Variants in NTNG1 observed in about 807,000 individuals in gnomAD.
NTNG1 encodes the protein netrin-G1.
Under a neutral mutation model 54.0 loss-of-function variants are expected in NTNG1, and 16 were observed. The observed-to-expected ratio is 0.30, with a 90% CI of 0.20 to 0.45. The LOEUF is 0.45. Ranked by LOEUF, NTNG1 falls within the 20% of genes least tolerant of loss-of-function variation. The pLI is 1.00. For synonymous variants in NTNG1, 255 were observed against 263.1 expected, an observed-to-expected ratio of 0.97 and a Z score of 0.30; for missense variants, 530 against 678.7, an observed-to-expected ratio of 0.78 and a Z score of 2.43.
intron 3 of NTNG1, among the ~76,000 whole-genome samples, chr1:107,390,330 A>G (rs1459687804): frequency 1.3e-5 from 2 of 152,190 alleles, no homozygotes; most frequent in East Asian, 3.9e-4. Context: ...TGCATGAGAC[A>G]TTAAAGCTAA....
At chr1:107,274,631 A>G (rs1455711099) in intron 2 of NTNG1, among the ~76,000 whole-genome samples, 1 of 152,212 alleles carries the variant, frequency 6.6e-6, no homozygotes, top group African/African-American at 2.4e-5. Flanking sequence ...ATGTGTAACC[A>G]TGTAGGCTTT....
intron 2 of NTNG1, among the ~76,000 whole-genome samples, chr1:107,190,870 A>T (rs1342092923): frequency 6.6e-6 from 1 of 152,188 alleles, no homozygotes; most frequent in Non-Finnish European, 1.5e-5. Flanking sequence ...TATTGTGAAT[A>T]GTGCCGCTAT....
chr1:107,325,883 A>C (rs187287609), intron 3 of NTNG1, among the ~76,000 whole-genome samples: 1 of 152,270 alleles, frequency 6.6e-6, no homozygotes, highest in East Asian at 1.9e-4. Context: ...GAGGATAAGC[A>C]TATAAATAGT....
chr1:107,374,752 A>G (rs1385458799), intron 3 of NTNG1, among the ~76,000 whole-genome samples: 1 of 152,156 alleles, frequency 6.6e-6, no homozygotes, highest in East Asian at 1.9e-4. Flanking sequence ...CATGACTGGC[A>G]ATCTTTGATT....
chr1:107,286,250 G>A (rs746729983), intron 2 of NTNG1, among the ~76,000 whole-genome samples: 30 of 152,236 alleles, frequency 2.0e-4, no homozygotes, highest in Non-Finnish European at 2.6e-4. Flanking sequence ...CTAATTCAGC[G>A]TGGCATTTTT....
intron 1 of NTNG1, among the ~76,000 whole-genome samples, chr1:107,142,662 A>G (rs1653815902): frequency 6.7e-6 from 1 of 148,410 alleles, no homozygotes; most frequent in Admixed American, 6.7e-5. Context: ...AAGTTGTTTT[A>G]TCTTACAGAA....
At chr1:107,266,781 A>G (rs1663772492) in intron 2 of NTNG1, among the ~76,000 whole-genome samples, 1 of 151,848 alleles carries the variant, frequency 6.6e-6, no homozygotes, top group African/African-American at 2.4e-5. Flanking sequence ...ACCTGTAAAG[A>G]GCTGTTCAGT....
At chr1:107,456,234 A>T (rs1676948352) in intron 7 of NTNG1, among the ~76,000 whole-genome samples, 1 of 152,208 alleles carries the variant, frequency 6.6e-6, no homozygotes, top group East Asian at 1.9e-4. Flanking sequence ...GTAAGATAAT[A>T]AAGTGATGCA....
intron 4 of NTNG1, among the ~76,000 whole-genome samples, chr1:107,398,938 A>G (rs1672851653): frequency 6.6e-6 from 1 of 152,144 alleles, no homozygotes; most frequent in Non-Finnish European, 1.5e-5. Flanking sequence ...TTAAACTCTG[A>G]TCCCTATGGA....
At chr1:107,141,366 C>T (rs1570688995) in intron 1 of NTNG1, 1 of 149,750 alleles carries the variant, frequency 6.7e-6, no homozygotes, top group Non-Finnish European at 1.5e-5. Context: ...CTGCTGCGGC[C>T]GCCGCCCGAG....
At position 107,362,202 on chromosome 1, in the gene NTNG1, C is replaced by T. The variant is rs1044390105; in HGVS notation, c.888-32952C>T. On this transcript the variant is annotated intron_variant, in intron 3 of 7. Transcript: ENST00000370068. ...TGATCAATTTTCTTAAGTCTGTGTG[C>T]CATGATATTTTCACCTCAATAAAAT... Among the ~76,000 whole-genome samples the T allele has an allele frequency of 7.9e-5, 12 of 152,150 alleles. 1 individual carries two copies. The highest frequency in any genetic ancestry group is 1.5e-5 in the Non-Finnish European group (1 of 68,036).
chr1:107,361,393 T>A (rs868214167), intron 3 of NTNG1, among the ~76,000 whole-genome samples: 21 of 26,838 alleles, frequency 7.8e-4, no homozygotes, highest in African/African-American at 1.4e-3. Flanking sequence ...ATATATATAT[T>A]TTTTTTTTTT....
chr1:107,174,894 T>TTGAA (rs1445047722), intron 2 of NTNG1, among the ~76,000 whole-genome samples: 92 of 152,130 alleles, frequency 6.0e-4, no homozygotes, highest in African/African-American at 2.0e-3. Context: ...TAATGACTGG[T>TTGAA]TGAATGAATG....
In NTNG1 at chr1:107,481,187, C is replaced by G. The variant is rs183498155; in HGVS notation, c.*347C>G. ...AACCGACCTAAAAACATTGGCTACTCTAGCGTGGTGCGCCCTAGTACGACT... is the reference window on the plus strand; with the variant it reads ...AACCGACCTAAAAACATTGGCTACTGTAGCGTGGTGCGCCCTAGTACGACT... On this transcript the variant is annotated 3_prime_UTR_variant, in exon 8 of 8. Coordinates refer to ENST00000370068, the MANE Select transcript of NTNG1 (RefSeq NM_001113226.3). 5 of 321,998 alleles carry G rather than the reference C, an allele frequency of 1.6e-5. No individual in the cohort carries two copies. Among genetic ancestry groups the G allele is most frequent in the African/African-American group, 1.0e-4 (5 of 48,358 alleles). 19.9% of individuals were successfully genotyped at this position (321,998 alleles called of 1,614,324 possible). A position where few individuals can be genotyped will look rare whatever the true frequency, so the allele number is the denominator to read the frequency against.
chr1:107,253,939 T>C (rs1029500889), intron 2 of NTNG1, among the ~76,000 whole-genome samples: 34 of 152,242 alleles, frequency 2.2e-4, no homozygotes, highest in South Asian at 6.2e-4. Flanking sequence ...GAAAACCGAT[T>C]AGATTAATTA....
intron 2 of NTNG1, among the ~76,000 whole-genome samples, chr1:107,300,904 G>A (rs561172141): frequency 1.6e-4 from 25 of 152,168 alleles, no homozygotes; most frequent in African/African-American, 5.1e-4. Flanking sequence ...AACTTATTTC[G>A]AGAGAATTTT....
Position 107,430,738 on chromosome 1 carries a change from C to T in NTNG1, c.1088-12C>T. On this transcript the variant is annotated splice_polypyrimidine_tract_variant and intron_variant, in intron 5 of 7. Coordinates refer to ENST00000370068, the MANE Select transcript of NTNG1 (RefSeq NM_001113226.3). ...TATACACTCTGTATACATTTCTGTT[C>T]TTCCTTGCAAGATTGTGAATGCTTC... 6.2e-7 allele frequency: 1 copy of T among 1,612,914 alleles called. No individual in the cohort carries two copies. Among genetic ancestry groups the T allele is most frequent in the Non-Finnish European group, 8.5e-7 (1 of 1,179,338 alleles).
intron 7 of NTNG1, among the ~76,000 whole-genome samples, chr1:107,476,083 C>A (rs1678305285): frequency 6.6e-6 from 1 of 152,104 alleles, no homozygotes; most frequent in South Asian, 2.1e-4. Context: ...TTCATTTGTC[C>A]AACTCAAAGT....
At chr1:107,173,727 C>CTTTTTTTTTTTTCTTTT (rs1656431690) in intron 2 of NTNG1, among the ~76,000 whole-genome samples, 3 of 118,608 alleles carry the variant, frequency 2.5e-5, no homozygotes, top group African/African-American at 1.0e-4. Context: ...TTCTTTCTTT[C>CTTTTTTTTTTTTCTTTT]TTTTTTTTTT....
Sources: gnomAD v4.1 joint callset for allele counts (sites outside exome capture counted in the v4.1 genomes callset) on GRCh38, gnomAD v4.1.1 for gene constraint, MANE v1.5 for transcripts, NCBI Gene and HGNC (gene_info 2026-07-23, HGNC 2026-07-21) for gene names.